The following WHAMM variants were observed in gnomAD, a reference collection of about 807,000 sequenced individuals.
WHAMM encodes WASP homolog associated with actin, golgi membranes and microtubules, also known as WASP homolog-associated protein with actin, membranes and microtubules.
A neutral mutation model predicts 76.5 loss-of-function variants in WHAMM; 67 were observed. The ratio of observed to expected loss-of-function variants is 0.88; its 90% CI spans 0.72 to 1.07. WHAMM has a LOEUF of 1.07. Among genes scored for constraint, WHAMM ranks in the 50% least tolerant of loss-of-function variants. The pLI, the probability that WHAMM is intolerant of heterozygous loss-of-function variation, is 0.00. For missense variants in WHAMM, 1,021 were observed against 1,051.1 expected (o/e 0.97, Z 0.40); for synonymous variants, 419 against 422.1 (o/e 0.99, Z 0.09).
At chr15:82,833,079 A>G (rs751068140) in intron 9 of WHAMM, 150 bp from the exon 10 acceptor site, 13 of 938,576 alleles carry the variant, frequency 1.4e-5, no homozygotes, top group South Asian at 1.0e-4. Flanking sequence ...GCTTATCGTT[A>G]GCACGTAATC....
chr15:82,826,271 T>C (rs917181150), intron 6 of WHAMM, 139 bp from the exon 7 acceptor site: 3 of 779,226 alleles, frequency 3.8e-6, no homozygotes, highest in Non-Finnish European at 2.1e-6. Flanking sequence ...GAGGAGACAG[T>C]ACCATTGGGC....
chr15:82,810,648 A>C, intron 1 of WHAMM: 2 of 985,490 alleles, frequency 2.0e-6, no homozygotes, highest in South Asian at 9.4e-5. Context: ...GAAATGCCAG[A>C]AATATTGCAA....
rs752223805 is a variant in WHAMM at position 82,823,109 on chromosome 15, A to G, written c.1280A>G (p.Asp427Gly). Residue 427 changes from aspartate to glycine, a missense_variant, in exon 6 of 10, where the codon GAT becomes GGT. Physicochemically the swap from Asp to Gly is moderately conservative, Grantham distance 94. Transcript: ENST00000286760. ...ATTAATACATTTTTAGAAAAACAAG[A>G]TGAAGTTGTCTATTACGATCCATGT... is the stretch of plus-strand genomic sequence containing the variant. ...SLKRLIKEKQDEVVYYDPCEN... is the reference protein window; with the variant it reads ...SLKRLIKEKQGEVVYYDPCEN... 2 of 1,344,430 alleles carry G rather than the reference A, an allele frequency of 1.5e-6. No homozygotes were observed. The highest frequency in any genetic ancestry group is 3.0e-5 in the African/African-American group (2 of 66,456). The allele number at this position is 1,344,430 out of a possible 1,614,324, so 83.3% of individuals were successfully genotyped here.
Position 82,809,922 on chromosome 15 carries a change from G to GAGCCCA in WHAMM, c.201_206dup (p.Lys68_Pro69dup), listed in dbSNP as rs774420150. The stretch of plus-strand genomic sequence containing the variant: ...GGGGGCCCGGTTGGGGCCCGAGCCC[G>GAGCCCA]AGCCCAAGCCTGAGGCCGCCGTCTC... On this transcript the variant is annotated inframe_insertion, in exon 1 of 10. Coordinates refer to ENST00000286760, the MANE Select transcript of WHAMM (RefSeq NM_001080435.3). 6.0e-6 allele frequency: 9 copies of GAGCCCA among 1,509,892 alleles called. No homozygotes were observed. The highest frequency in any genetic ancestry group is 1.4e-5 in the African/African-American group (1 of 69,776). The allele number at this position is 1,509,892 out of a possible 1,614,324, so 93.5% of individuals were successfully genotyped here.
chr15:82,821,524 T>G (rs2050827235), intron 5 of WHAMM, among the ~76,000 whole-genome samples: 1 of 152,190 alleles, frequency 6.6e-6, no homozygotes, highest in South Asian at 2.1e-4. Context: ...AAGTTAAACA[T>G]TAGATTGACT....
At chr15:82,818,163 A>T (rs2050759216) in intron 4 of WHAMM, 74 bp downstream of exon 4, 1 of 1,460,040 alleles carries the variant, frequency 6.8e-7, no homozygotes, top group Non-Finnish European at 9.2e-7. Flanking sequence ...TAAATAAAGG[A>T]TACAAGTGCA....
chr15:82,817,685 A>C (rs1274988415), intron 3 of WHAMM, among the ~76,000 whole-genome samples: 1 of 152,224 alleles, frequency 6.6e-6, no homozygotes, highest in Non-Finnish European at 1.5e-5. Flanking sequence ...AAATATAAGA[A>C]GCAGTTGCCT....
At chr15:82,826,939 G>A in intron 8 of WHAMM, 93 bp downstream of exon 8, 1 of 1,300,470 alleles carries the variant, frequency 7.7e-7, no homozygotes, top group East Asian at 2.6e-5. Context: ...ATTAAGAACA[G>A]GTCATTCAGA....
chr15:82,813,015 A>T, intron 1 of WHAMM, 88 bp from the exon 2 acceptor site: 1 of 1,024,452 alleles, frequency 9.8e-7, no homozygotes. Flanking sequence ...AGTTGAGAAC[A>T]TGAAGGTTTC....
At chr15:82,816,110 T>G (rs1042828271) in intron 2 of WHAMM, among the ~76,000 whole-genome samples, 1 of 152,112 alleles carries the variant, frequency 6.6e-6, no homozygotes, top group Non-Finnish European at 1.5e-5. Flanking sequence ...ATAAGGGCAT[T>G]AATCCCATTC....
intron 6 of WHAMM, 91 bp downstream of exon 6, chr15:82,823,378 C>A: frequency 1.8e-6 from 2 of 1,136,590 alleles, no homozygotes; most frequent in Non-Finnish European, 2.3e-6. Flanking sequence ...AGGTTTTTAC[C>A]AACACAGTGA....
Position 82,835,886 on chromosome 15 carries a change from T to C in WHAMM, c.*2350T>C, listed in dbSNP as rs2051121164. On this transcript the variant is annotated 3_prime_UTR_variant, in exon 10 of 10. Transcript: ENST00000286760. ...GGGAAAGAATTTGGAATTGAAAAAGTAGCAAAATCACAACTTTGTGGGACT... is the reference window on the plus strand; with the variant it reads ...GGGAAAGAATTTGGAATTGAAAAAGCAGCAAAATCACAACTTTGTGGGACT... The C allele has an allele frequency of 6.6e-6, 1 of 152,264 alleles. No homozygotes were observed. The highest frequency in any genetic ancestry group is 1.5e-5 in the Non-Finnish European group (1 of 68,034). The allele number at this position is 152,264 out of a possible 1,614,324, so 9.4% of individuals were successfully genotyped here. A position where few individuals can be genotyped will look rare whatever the true frequency, so the allele number is the denominator to read the frequency against.
intron 2 of WHAMM, among the ~76,000 whole-genome samples, chr15:82,814,248 C>A (rs2050681442): frequency 6.6e-6 from 1 of 152,242 alleles, no homozygotes; most frequent in Middle Eastern, 3.4e-3. Flanking sequence ...TCAGAAGACA[C>A]CTAAGATGTC....
intron 6 of WHAMM, 138 bp from the exon 7 acceptor site, chr15:82,826,272 A>C: frequency 1.3e-6 from 1 of 785,126 alleles, no homozygotes; most frequent in Non-Finnish European, 2.1e-6. Flanking sequence ...AGGAGACAGT[A>C]CCATTGGGCC....
In WHAMM at chr15:82,833,216, T is replaced by G. The variant is rs756156696; in HGVS notation, c.2123-13T>G. The G allele has an allele frequency of 1.9e-6, 3 of 1,611,060 alleles. No individual in the cohort carries two copies. The African/African-American group carries it at 4.0e-5, about 22-fold the overall frequency. Reference sequence around the variant, plus strand: ...TTTTATTGATAGTACTAGCTCTGCTTATTCAATTTCAGGATCTATGGATGA... The same window carrying G: ...TTTTATTGATAGTACTAGCTCTGCTGATTCAATTTCAGGATCTATGGATGA... On this transcript the variant is annotated splice_polypyrimidine_tract_variant and intron_variant, in intron 9 of 9. Coordinates refer to ENST00000286760, the MANE Select transcript of WHAMM (RefSeq NM_001080435.3).
rs531408322 is a variant in WHAMM at position 82,835,919 on chromosome 15, T to C, written c.*2383T>C. ...TCACAACTTTGTGGGACTTTTCTTATGCATATTTTGCAGTTTGGCATTGTT... is the reference window on the plus strand; with the variant it reads ...TCACAACTTTGTGGGACTTTTCTTACGCATATTTTGCAGTTTGGCATTGTT... On this transcript the variant is annotated 3_prime_UTR_variant, in exon 10 of 10. Transcript: ENST00000286760. 6.6e-6 allele frequency: 1 copy of C among 152,268 alleles called. No individual in the cohort carries two copies. Among genetic ancestry groups the C allele is most frequent in the African/African-American group, 2.4e-5 (1 of 41,476 alleles). The allele number at this position is 152,268 out of a possible 1,614,324, so 9.4% of individuals were successfully genotyped here.
At chr15:82,832,194 C>T (rs1338486380) in intron 9 of WHAMM, among the ~76,000 whole-genome samples, 7 of 152,202 alleles carry the variant, frequency 4.6e-5, no homozygotes, top group East Asian at 3.8e-4. Context: ...GTTCAACTCA[C>T]AAATGCTGCT....
chr15:82,813,529 A>G (rs74562831), intron 2 of WHAMM, among the ~76,000 whole-genome samples: 1,594 of 151,646 alleles, frequency 0.011, 7 homozygotes, highest in Non-Finnish European at 0.016. Context: ...TTACCCTTAT[A>G]TGTACATATT....
At chr15:82,825,313 G>A in intron 6 of WHAMM, among the ~76,000 whole-genome samples, 1 of 152,042 alleles carries the variant, frequency 6.6e-6, no homozygotes, top group East Asian at 1.9e-4. Context: ...GCACTCCCAT[G>A]GTGCTGTGGA....
Sources: gnomAD v4.1 joint callset for allele counts (sites outside exome capture counted in the v4.1 genomes callset) on GRCh38, gnomAD v4.1.1 for gene constraint, MANE v1.5 for transcripts, NCBI Gene and HGNC (gene_info 2026-07-23, HGNC 2026-07-21) for gene names.